SHANK2: variants seen among roughly 807,000 people sequenced by gnomAD.
SHANK2 encodes SH3 and multiple ankyrin repeat domains protein 2.
SHANK2 carries 43 observed loss-of-function variants against 133.7 expected under a neutral mutation model. The observed-to-expected ratio is 0.32, with a 90% CI of 0.25 to 0.41. The LOEUF (loss-of-function observed/expected upper bound fraction) is 0.41, where lower values mean the gene tolerates loss of function less well. Among genes scored for constraint, SHANK2 ranks in the 10% least tolerant of loss-of-function variants. SHANK2 has a pLI of 1.00. For synonymous variants in SHANK2, 1,017 were observed against 952.8 expected, an observed-to-expected ratio of 1.07 and a Z score of -1.24; for missense variants, 1,994 against 2,235.8, an observed-to-expected ratio of 0.89 and a Z score of 2.18.
intron 14 of SHANK2, among the ~76,000 whole-genome samples, chr11:70,782,737 C>T (rs559539271): frequency 9.8e-5 from 15 of 152,318 alleles, no homozygotes; most frequent in South Asian, 4.1e-4. Context: ...TGGCCAAAGA[C>T]GACACACAAA....
chr11:71,115,705 T>C (rs987801693), intron 4 of SHANK2, among the ~76,000 whole-genome samples: 1 of 152,006 alleles, frequency 6.6e-6, no homozygotes, highest in African/African-American at 2.4e-5. Context: ...TGGCTCGAGG[T>C]TGCACAGCTG....
At chr11:70,681,265 T>C (rs1203401610) in intron 15 of SHANK2, among the ~76,000 whole-genome samples, 4 of 152,162 alleles carry the variant, frequency 2.6e-5, no homozygotes, top group African/African-American at 7.2e-5. Flanking sequence ...GGAAACCCCC[T>C]GAATAAACAG....
At chr11:70,511,170 G>C (rs1189380125) in intron 17 of SHANK2, among the ~76,000 whole-genome samples, 2 of 152,196 alleles carry the variant, frequency 1.3e-5, no homozygotes, top group Admixed American at 6.5e-5. Context: ...TGGGAAGAGT[G>C]GGGCAAAGGC....
intron 15 of SHANK2, among the ~76,000 whole-genome samples, chr11:70,697,243 A>G (rs1360353077): frequency 6.6e-6 from 1 of 152,254 alleles, no homozygotes; most frequent in Non-Finnish European, 1.5e-5. Context: ...CTAGTGATTC[A>G]CTAACAAATG....
intron 3 of SHANK2, among the ~76,000 whole-genome samples, chr11:71,135,558 C>T (rs1464348704): frequency 1.3e-5 from 2 of 148,356 alleles, no homozygotes; most frequent in Non-Finnish European, 3.0e-5. Flanking sequence ...ACAATCTCAG[C>T]TCACTGCAAC....
chr11:70,492,951 A>G (rs2058915836), intron 21 of SHANK2, among the ~76,000 whole-genome samples: 1 of 151,090 alleles, frequency 6.6e-6, no homozygotes, highest in Non-Finnish European at 1.5e-5. Context: ...ACCTGCCACT[A>G]CGCCCAGCTA....
intron 3 of SHANK2, among the ~76,000 whole-genome samples, chr11:71,128,299 T>G (rs1952229663): frequency 6.6e-6 from 1 of 152,160 alleles, no homozygotes; most frequent in Non-Finnish European, 1.5e-5. Flanking sequence ...TCCTAAAGGC[T>G]GTGATGTCCA....
intron 14 of SHANK2, among the ~76,000 whole-genome samples, chr11:70,707,544 C>A (rs981668806): frequency 6.6e-6 from 1 of 152,020 alleles, no homozygotes; most frequent in East Asian, 1.9e-4. Flanking sequence ...ACACAACAGT[C>A]CATCTTTAGA....
In SHANK2 at chr11:70,473,625, C is replaced by T; in HGVS notation, c.4980-186G>A. 1 of 694,380 alleles carries T rather than the reference C, an allele frequency of 1.4e-6. No individual in the cohort carries two copies. Among genetic ancestry groups the T allele is most frequent in the Non-Finnish European group, 2.6e-6 (1 of 387,660 alleles). 43.0% of individuals were successfully genotyped at this position (694,380 alleles called of 1,614,324 possible). ...GGGGAGGGGGAGAAAGGGGCCAGAG[C>T]AAAGTTGGAGACACCAGAGCACACC... On this transcript the variant is annotated intron_variant, in intron 25 of 25. Transcript: ENST00000601538. The surrounding 1 kb of genome is among the most constrained non-coding windows in gnomAD (Gnocchi z 5.9).
At chr11:70,867,625 GAC>G (rs1949388486) in intron 11 of SHANK2, among the ~76,000 whole-genome samples, 1 of 152,166 alleles carries the variant, frequency 6.6e-6, no homozygotes, top group Non-Finnish European at 1.5e-5. Flanking sequence ...CTTGAGAATC[GAC>G]GCTATAGATT....
chr11:70,955,447 G>A (rs1950906422), intron 10 of SHANK2, among the ~76,000 whole-genome samples: 3 of 151,890 alleles, frequency 2.0e-5, no homozygotes, highest in Admixed American at 6.6e-5. Flanking sequence ...GTGTGTGTGT[G>A]TGTGTGTGTG....
intron 17 of SHANK2, among the ~76,000 whole-genome samples, chr11:70,595,459 A>G (rs1220400289): frequency 6.6e-5 from 10 of 152,238 alleles, no homozygotes; most frequent in Non-Finnish European, 1.3e-4. Flanking sequence ...CCTGAGGCCT[A>G]TGAGGCTCAC....
intron 15 of SHANK2, among the ~76,000 whole-genome samples, chr11:70,676,784 C>A (rs568755129): frequency 6.6e-6 from 1 of 152,266 alleles, no homozygotes; most frequent in South Asian, 2.1e-4. Flanking sequence ...AGCCCTTATT[C>A]CTTCAAGGAC....
At chr11:71,236,971 C>T (rs570247766) in intron 1 of SHANK2, among the ~76,000 whole-genome samples, 49 of 152,326 alleles carry the variant, frequency 3.2e-4, no homozygotes, top group African/African-American at 8.9e-4. Flanking sequence ...GGTGGGACTG[C>T]GCTGCGGGCC....
chr11:70,649,552 C>T lies in SHANK2; in HGVS notation c.2061+10276G>A, dbSNP rs186721312. 3.4e-3 allele frequency among the ~76,000 whole-genome samples: 518 copies of T among 152,296 alleles called. 3 individuals carry two copies. Among genetic ancestry groups the T allele is most frequent in the African/African-American group, 0.012 (502 of 41,550 alleles). On this transcript the variant is annotated intron_variant, in intron 17 of 25. Coordinates refer to ENST00000601538, the MANE Select transcript of SHANK2 (RefSeq NM_012309.5). Reference sequence around the variant, plus strand: ...GTCTAACCACTTGTATCATGAAACTCCCCACGAAAGGGCACCAAAGGCGAA... The same window carrying T: ...GTCTAACCACTTGTATCATGAAACTTCCCACGAAAGGGCACCAAAGGCGAA...
chr11:70,588,641 A>C (rs1554987335), intron 17 of SHANK2, among the ~76,000 whole-genome samples: 2 of 152,204 alleles, frequency 1.3e-5, no homozygotes, highest in African/African-American at 4.8e-5. Context: ...TGCAGGAAAA[A>C]AGTTGGAAGC....
At chr11:70,865,612 C>G (rs1555068871) in intron 11 of SHANK2, among the ~76,000 whole-genome samples, 2 of 152,076 alleles carry the variant, frequency 1.3e-5, no homozygotes, top group Admixed American at 1.3e-4. Context: ...GCAGGCTCAG[C>G]AGCAGAGGGT....
intron 11 of SHANK2, among the ~76,000 whole-genome samples, chr11:70,874,362 A>G (rs1462771767): frequency 1.3e-5 from 2 of 152,084 alleles, no homozygotes; most frequent in South Asian, 2.1e-4. Context: ...TAATCTATCT[A>G]TTGAGACAGG....
chr11:71,218,953 G>A (rs1343285145), intron 2 of SHANK2, among the ~76,000 whole-genome samples: 1 of 152,204 alleles, frequency 6.6e-6, no homozygotes, highest in African/African-American at 2.4e-5. Flanking sequence ...CCCAGAGAGA[G>A]TGGCATCTGT....
Sources: gnomAD v4.1 joint callset for allele counts (sites outside exome capture counted in the v4.1 genomes callset) on GRCh38, gnomAD v4.1.1 for gene constraint, Gnocchi (gnomAD v3.1) non-coding constraint, MANE v1.5 for transcripts, NCBI Gene and HGNC (gene_info 2026-07-23, HGNC 2026-07-21) for gene names.